NET1: variants seen among roughly 807,000 people sequenced by gnomAD.
NET1 encodes neuroepithelial cell-transforming gene 1 protein.
A neutral mutation model predicts 61.1 loss-of-function variants in NET1; 42 were observed. The observed-to-expected ratio is 0.69, with a 90% CI of 0.54 to 0.89. NET1 has a LOEUF of 0.89. Among genes scored for constraint, NET1 ranks in the 40% least tolerant of loss-of-function variants. The probability of loss-of-function intolerance (pLI) is 0.00; values close to 1 mark genes in which losing one functional copy is unlikely to be tolerated. For missense variants in NET1, 654 were observed against 747.3 expected (o/e 0.88, Z 1.46); for synonymous variants, 254 against 281.8 (o/e 0.90, Z 0.99).
chr10:5,413,948 A>G (rs990333390), intron 1 of NET1, among the ~76,000 whole-genome samples: 19 of 152,194 alleles, frequency 1.2e-4, no homozygotes, highest in African/African-American at 4.3e-4. Context: ...ATATACACAG[A>G]ATGCCGTAGA....
Position 5,453,428 on chromosome 10 carries a change from T to G in NET1, c.692-56T>G. ...TCAGTCTAAACTTCTAATGTAGTGC[T>G]GACCTATTTTTTAAATAAACCTGTT... is the stretch of plus-strand genomic sequence containing the variant. On this transcript the variant is annotated intron_variant, in intron 7 of 11. Coordinates refer to ENST00000355029, the MANE Select transcript of NET1 (RefSeq NM_001047160.3). The surrounding 1 kb of genome is among the most constrained non-coding windows in gnomAD (Gnocchi z 4.9). 1 of 1,590,658 alleles carries G rather than the reference T, an allele frequency of 6.3e-7. No homozygotes were observed. The highest frequency in any genetic ancestry group is 8.6e-7 in the Non-Finnish European group (1 of 1,158,614).
chr10:5,434,574 C>T (rs554426512), intron 3 of NET1, among the ~76,000 whole-genome samples: 2 of 152,218 alleles, frequency 1.3e-5, no homozygotes, highest in South Asian at 2.1e-4. Flanking sequence ...TTCCCTCTGC[C>T]TCATCATACA....
rs1367882011 is a variant in NET1 at position 5,446,462 on chromosome 10, C to G, written c.256-5368C>G. 4.7e-6 allele frequency: 3 copies of G among 632,288 alleles called. No homozygotes were observed. The highest frequency in any genetic ancestry group is 6.1e-6 in the Non-Finnish European group (3 of 494,262). The allele number at this position is 632,288 out of a possible 1,614,324, so 39.2% of individuals were successfully genotyped here. On this transcript the variant is annotated intron_variant, in intron 3 of 11. Transcript: ENST00000355029. This position sits in a 1 kb window ranked among gnomAD's most constrained non-coding sequence, Gnocchi z 5.0. ...TGTCCTACTTGAACCCAGCTTCACT[C>G]TCCTCCTGGGCGAAAGCTGAGAGGC...
At position 5,441,112 on chromosome 10, in the gene NET1, C is replaced by T. The variant is rs1015163100; in HGVS notation, c.256-10718C>T. 6.6e-6 allele frequency among the ~76,000 whole-genome samples: 1 copy of T among 151,290 alleles called. No individual in the cohort carries two copies. Among genetic ancestry groups the T allele is most frequent in the Non-Finnish European group, 1.5e-5 (1 of 67,772 alleles). On this transcript the variant is annotated intron_variant, in intron 3 of 11. Transcript: ENST00000355029. The surrounding 1 kb of genome is among the most constrained non-coding windows in gnomAD (Gnocchi z 4.6). ...GGCAGTGGGGTAGATCTCTCTGGAA[C>T]CCTCTGAAGAGCTGTGTAAAACACA...
At chr10:5,413,412 C>T (rs114233423) in intron 1 of NET1, among the ~76,000 whole-genome samples, 1 of 152,232 alleles carries the variant, frequency 6.6e-6, no homozygotes, top group African/African-American at 2.4e-5. Flanking sequence ...CAACCATTTT[C>T]GTGTTTTTTC....
In NET1 at chr10:5,444,865, T is replaced by A. The variant is rs1441652117; in HGVS notation, c.256-6965T>A. On this transcript the variant is annotated intron_variant, in intron 3 of 11. Coordinates refer to ENST00000355029, the MANE Select transcript of NET1 (RefSeq NM_001047160.3). This position sits in a 1 kb window ranked among gnomAD's most constrained non-coding sequence, Gnocchi z 5.3. ...CTTCCACCGCCTCACACTCAGTATATCTAAAATGTAACTTAGAATTTTCTT... is the reference window on the plus strand; with the variant it reads ...CTTCCACCGCCTCACACTCAGTATAACTAAAATGTAACTTAGAATTTTCTT... Among the ~76,000 whole-genome samples, 1 of 152,244 alleles carries A rather than the reference T, an allele frequency of 6.6e-6. No individual in the cohort carries two copies. The highest frequency in any genetic ancestry group is 1.5e-5 in the Non-Finnish European group (1 of 68,044).
rs1279211153 is a variant in NET1, at chr10:5,444,116, A to G, written c.256-7714A>G. Among the ~76,000 whole-genome samples, 1 of 152,246 alleles carries G rather than the reference A, an allele frequency of 6.6e-6. No individual in the cohort carries two copies. The highest frequency in any genetic ancestry group is 1.5e-5 in the Non-Finnish European group (1 of 68,050). On this transcript the variant is annotated intron_variant, in intron 3 of 11. Transcript: ENST00000355029. The surrounding 1 kb of genome is among the most constrained non-coding windows in gnomAD (Gnocchi z 5.3). ...TAAAATTAGGAGTCCACAATCGCTC[A>G]GGTGCTTCTACTTTCATGCTATATG...
chr10:5,448,163 T>A (rs906779640), intron 3 of NET1, among the ~76,000 whole-genome samples: 7 of 152,234 alleles, frequency 4.6e-5, no homozygotes, highest in African/African-American at 1.4e-4. Flanking sequence ...CCCAAAGGAA[T>A]AGACCCAGGT....
In NET1 at chr10:5,449,736, G is replaced by A. The variant is rs1169209840; in HGVS notation, c.256-2094G>A. ...TTTTATCATTAATTTGATTTTATGT[G>A]ATAAAATAGATATCAAAAATTTATT... is the stretch of plus-strand genomic sequence containing the variant. On this transcript the variant is annotated intron_variant, in intron 3 of 11. Coordinates refer to ENST00000355029, the MANE Select transcript of NET1 (RefSeq NM_001047160.3). This position sits in a 1 kb window ranked among gnomAD's most constrained non-coding sequence, Gnocchi z 4.4. Among the ~76,000 whole-genome samples the A allele has an allele frequency of 6.6e-6, 1 of 152,150 alleles. No individual in the cohort carries two copies. Among genetic ancestry groups the A allele is most frequent in the Non-Finnish European group, 1.5e-5 (1 of 68,028 alleles).
chr10:5,424,833 C>T lies in NET1; in HGVS notation c.129-1822C>T, dbSNP rs990663633. The stretch of plus-strand genomic sequence containing the variant: ...TTTCCTGGCAATTTTGACATCGAAC[C>T]GTCTCTCAAATCAGCTTCTCCTCTC... On this transcript the variant is annotated intron_variant, in intron 1 of 11. Coordinates refer to ENST00000355029, the MANE Select transcript of NET1 (RefSeq NM_001047160.3). The surrounding 1 kb of genome is among the most constrained non-coding windows in gnomAD (Gnocchi z 6.1). Among the ~76,000 whole-genome samples, 2 of 152,078 alleles carry T rather than the reference C, an allele frequency of 1.3e-5. No homozygotes were observed. The highest frequency in any genetic ancestry group is 6.5e-5 in the Admixed American group (1 of 15,274).
chr10:5,438,778 A>G (rs577075210), intron 3 of NET1, among the ~76,000 whole-genome samples: 12 of 152,364 alleles, frequency 7.9e-5, no homozygotes, highest in African/African-American at 2.9e-4. Flanking sequence ...CAACACTACA[A>G]GAAAAGAAAA....
At position 5,417,866 on chromosome 10, in the gene NET1, G is replaced by A. The variant is rs1375882735; in HGVS notation, c.128+5046G>A. ...TCCATTCTGTTACTAGTTTTTGAGT[G>A]GTTTTTATCATGAAAGGTTTTAGGG... is the stretch of plus-strand genomic sequence containing the variant. On this transcript the variant is annotated intron_variant, in intron 1 of 11. Transcript: ENST00000355029. The surrounding 1 kb of genome is among the most constrained non-coding windows in gnomAD (Gnocchi z 5.5). Among the ~76,000 whole-genome samples, 1 of 151,940 alleles carries A rather than the reference G, an allele frequency of 6.6e-6. No homozygotes were observed. Among genetic ancestry groups the A allele is most frequent in the Non-Finnish European group, 1.5e-5 (1 of 67,970 alleles).
chr10:5,415,929 T>G lies in NET1; in HGVS notation c.128+3109T>G, dbSNP rs1832075103. Among the ~76,000 whole-genome samples, 1 of 152,254 alleles carries G rather than the reference T, an allele frequency of 6.6e-6. No homozygotes were observed. Among genetic ancestry groups the G allele is most frequent in the Admixed American group, 6.5e-5 (1 of 15,292 alleles). On this transcript the variant is annotated intron_variant, in intron 1 of 11. Transcript: ENST00000355029. The surrounding 1 kb of genome is among the most constrained non-coding windows in gnomAD (Gnocchi z 4.7). ...CCTACTTGTCTATTTTTGCTTTTGT[T>G]GCCTGTGTTTTGGTGTCACATCCAA...
rs967772989 is a variant in NET1 at position 5,444,288 on chromosome 10, C to T, written c.256-7542C>T. On this transcript the variant is annotated intron_variant, in intron 3 of 11. Transcript: ENST00000355029. The surrounding 1 kb of genome is among the most constrained non-coding windows in gnomAD (Gnocchi z 5.3). ...CTCAAAGCAGAAAGATGAATTATTA[C>T]CACATCTCGTGTATAAAACACACAT... is the stretch of plus-strand genomic sequence containing the variant. 3.3e-5 allele frequency among the ~76,000 whole-genome samples: 5 copies of T among 152,204 alleles called. No individual in the cohort carries two copies. Among genetic ancestry groups the T allele is most frequent in the African/African-American group, 1.2e-4 (5 of 41,446 alleles).
At position 5,452,343 on chromosome 10, in the gene NET1, CT is replaced by C; in HGVS notation, c.364-11del. On this transcript the variant is annotated splice_polypyrimidine_tract_variant and intron_variant, in intron 4 of 11. Coordinates refer to ENST00000355029, the MANE Select transcript of NET1 (RefSeq NM_001047160.3). The surrounding 1 kb of genome is among the most constrained non-coding windows in gnomAD (Gnocchi z 4.0). ...AAATCTTATTTTCTCTTTTGTTCAC[CT>C]TTTCTTTTTTAAGTCATTTACCCTT... The C allele has an allele frequency of 1.3e-6, 2 of 1,543,438 alleles. No individual in the cohort carries two copies. Among genetic ancestry groups the C allele is most frequent in the Admixed American group, 2.0e-5 (1 of 51,050 alleles).
rs994723743 is a variant in NET1, at chr10:5,447,477, C to T, written c.256-4353C>T. Among the ~76,000 whole-genome samples, 1 of 152,144 alleles carries T rather than the reference C, an allele frequency of 6.6e-6. No individual in the cohort carries two copies. The highest frequency in any genetic ancestry group is 6.5e-5 in the Admixed American group (1 of 15,284). On this transcript the variant is annotated intron_variant, in intron 3 of 11. Coordinates refer to ENST00000355029, the MANE Select transcript of NET1 (RefSeq NM_001047160.3). This position sits in a 1 kb window ranked among gnomAD's most constrained non-coding sequence, Gnocchi z 4.1. ...GCCATTTTATGTAATCTTGATTTAACATTGTGTGATATTCTGTTTATACTA... is the reference window on the plus strand; with the variant it reads ...GCCATTTTATGTAATCTTGATTTAATATTGTGTGATATTCTGTTTATACTA...
rs1182549674 is a variant in NET1 at position 5,424,992 on chromosome 10, T to G, written c.129-1663T>G. Among the ~76,000 whole-genome samples, 2 of 152,216 alleles carry G rather than the reference T, an allele frequency of 1.3e-5. No homozygotes were observed. The highest frequency in any genetic ancestry group is 2.4e-5 in the African/African-American group (1 of 41,448). On this transcript the variant is annotated intron_variant, in intron 1 of 11. Coordinates refer to ENST00000355029, the MANE Select transcript of NET1 (RefSeq NM_001047160.3). The surrounding 1 kb of genome is among the most constrained non-coding windows in gnomAD (Gnocchi z 6.1). ...AAGATTCAATGGCTGCCACACATACTCAAGATCAAGGCCATTCTCTCTGAG... is the reference window on the plus strand; with the variant it reads ...AAGATTCAATGGCTGCCACACATACGCAAGATCAAGGCCATTCTCTCTGAG...
rs1370970397 is a variant in NET1, at chr10:5,444,070, C to T, written c.256-7760C>T. On this transcript the variant is annotated intron_variant, in intron 3 of 11. Transcript: ENST00000355029. This position sits in a 1 kb window ranked among gnomAD's most constrained non-coding sequence, Gnocchi z 5.3. ...ATTAGCTCTGAGAATGTAGGTAGAT[C>T]ACTGTTCTTAAAATTAAGAGTAAAA... 1.3e-5 allele frequency among the ~76,000 whole-genome samples: 2 copies of T among 152,174 alleles called. No homozygotes were observed. The highest frequency in any genetic ancestry group is 2.9e-5 in the Non-Finnish European group (2 of 68,022).
chr10:5,456,235 G>A lies in NET1; in HGVS notation c.1346G>A (p.Gly449Glu). 1 of 1,613,572 alleles carries A rather than the reference G, an allele frequency of 6.2e-7. No individual in the cohort carries two copies. Among genetic ancestry groups the A allele is most frequent in the South Asian group, 1.1e-5 (1 of 90,846 alleles). Reference sequence around the variant, plus strand: ...CTGCAGGATGGAGATGTGAGAATGGGAGGCTCCTTTCGAGGAGCTTTCAGT... The same window carrying A: ...CTGCAGGATGGAGATGTGAGAATGGAAGGCTCCTTTCGAGGAGCTTTCAGT... Reference protein sequence around the residue: ...EDLQDGDVRMGGSFRGAFSNS... With the variant: ...EDLQDGDVRMEGSFRGAFSNS... Residue 449 changes from glycine (G) to glutamate (E), a missense_variant, in exon 11 of 12, where the codon GGA (glycine) becomes GAA (glutamate). By Grantham distance (98) the Gly-to-Glu change is moderately conservative (BLOSUM62 -2). Transcript: ENST00000355029. The surrounding 1 kb of genome is among the most constrained non-coding windows in gnomAD (Gnocchi z 7.0).
Sources: gnomAD v4.1 joint callset for allele counts (sites outside exome capture counted in the v4.1 genomes callset) on GRCh38, gnomAD v4.1.1 for gene constraint, Gnocchi (gnomAD v3.1) non-coding constraint, MANE v1.5 for transcripts, NCBI Gene and HGNC (gene_info 2026-07-23, HGNC 2026-07-21) for gene names.